GRK5: variants seen among roughly 807,000 people sequenced by gnomAD.
The protein encoded by GRK5 is g protein-coupled receptor kinase GRK5.
A neutral mutation model predicts 78.4 loss-of-function variants in GRK5; 40 were observed. The ratio of observed to expected loss-of-function variants is 0.51; its 90% CI spans 0.40 to 0.66. The LOEUF is 0.66. Among genes scored for constraint, GRK5 ranks in the 30% least tolerant of loss-of-function variants. The pLI is 0.00. For synonymous variants in GRK5, 289 were observed against 296.8 expected, an observed-to-expected ratio of 0.97 and a Z score of 0.27; for missense variants, 598 against 759.9, an observed-to-expected ratio of 0.79 and a Z score of 2.50.
intron 2 of GRK5, among the ~76,000 whole-genome samples, chr10:119,327,056 G>C (rs867089804): frequency 2.0e-5 from 3 of 152,080 alleles, no homozygotes; most frequent in Admixed American, 6.5e-5. Context: ...CTGCCCTCAG[G>C]GGGCAGCCCA....
In GRK5 at chr10:119,453,134, G is replaced by A. The variant is rs1853325159; in HGVS notation, c.1543-11G>A. 7 of 1,499,124 alleles carry A rather than the reference G, an allele frequency of 4.7e-6. No homozygotes were observed. Among genetic ancestry groups the A allele is most frequent in the Admixed American group, 1.7e-5 (1 of 59,842 alleles). 92.9% of individuals were successfully genotyped at this position (1,499,124 alleles called of 1,614,324 possible). A position where few individuals can be genotyped will look rare whatever the true frequency, so the allele number is the denominator to read the frequency against. On this transcript the variant is annotated splice_polypyrimidine_tract_variant and intron_variant, in intron 14 of 15. Transcript: ENST00000392870. ...TTGACGGCCTGTGTTTTGTTTTCAC[G>A]GCCCCTCCAGATGATAGAAACAGAA...
chr10:119,454,632 C>G (rs1853366275), intron 15 of GRK5, among the ~76,000 whole-genome samples: 1 of 152,192 alleles, frequency 6.6e-6, no homozygotes, highest in Non-Finnish European at 1.5e-5. Context: ...GGAGAGGAAA[C>G]TGGGAGATGG....
chr10:119,275,613 G>GCGCGCACACA (rs1195537574), intron 1 of GRK5, among the ~76,000 whole-genome samples: 2 of 120,678 alleles, frequency 1.7e-5, no homozygotes, highest in Non-Finnish European at 3.7e-5. Context: ...TCTCTCTCTC[G>GCGCGCACACA]CACACACACA....
chr10:119,317,554 G>A (rs1011024260), intron 1 of GRK5, among the ~76,000 whole-genome samples: 5 of 152,128 alleles, frequency 3.3e-5, no homozygotes, highest in African/African-American at 4.8e-5. Flanking sequence ...TAGGCTTTCC[G>A]GTATAGGAGG....
At position 119,379,517 on chromosome 10, in the gene GRK5, T is replaced by C. The variant is rs566097462; in HGVS notation, c.149-1298T>C. Among the ~76,000 whole-genome samples, 3 of 152,300 alleles carry C rather than the reference T, an allele frequency of 2.0e-5. No individual in the cohort carries two copies. In the South Asian group the frequency reaches 6.2e-4, roughly 32 times the overall value. ...CCTGGCGTATCTCAAGAGAAATCCT[T>C]TCTAGGGGGGATGGTGTCTTAGCTC... On this transcript the variant is annotated intron_variant, in intron 2 of 15. Transcript: ENST00000392870. The surrounding 1 kb of genome is among the most constrained non-coding windows in gnomAD (Gnocchi z 4.1).
At chr10:119,290,874 G>A (rs1435447116) in intron 1 of GRK5, among the ~76,000 whole-genome samples, 1 of 152,084 alleles carries the variant, frequency 6.6e-6, no homozygotes, top group Non-Finnish European at 1.5e-5. Flanking sequence ...GCTCCTCTAA[G>A]GAGGGGCTGC....
rs570275263 is a variant in GRK5, at chr10:119,430,617, G to C, written c.597+179G>C. On this transcript the variant is annotated intron_variant, in intron 7 of 15. Coordinates refer to ENST00000392870, the MANE Select transcript of GRK5 (RefSeq NM_005308.3). The surrounding 1 kb of genome is among the most constrained non-coding windows in gnomAD (Gnocchi z 4.5). ...CAGTGGCCTTGGGGCTATCAGGTGT[G>C]TCTATGGTGGAAAGAGGTTGTGGAG... Among the ~76,000 whole-genome samples, 54 of 152,180 alleles carry C rather than the reference G, an allele frequency of 3.5e-4. No individual in the cohort carries two copies. Among genetic ancestry groups the C allele is most frequent in the South Asian group, 8.3e-4 (4 of 4,824 alleles).
At chr10:119,293,559 T>TG (rs1850021829) in intron 1 of GRK5, among the ~76,000 whole-genome samples, 1 of 152,212 alleles carries the variant, frequency 6.6e-6, no homozygotes, top group African/African-American at 2.4e-5. Flanking sequence ...CCGTGGGCAT[T>TG]GGGAGGATAG....
At chr10:119,260,862 G>A (rs867720055) in intron 1 of GRK5, among the ~76,000 whole-genome samples, 3 of 150,250 alleles carry the variant, frequency 2.0e-5, no homozygotes, top group Admixed American at 6.6e-5. Flanking sequence ...ACCTTTCCCC[G>A]CTTTCTATTC....
rs1853448750 is a variant in GRK5, at chr10:119,459,420, T to C, written c.*4353T>C. On this transcript the variant is annotated 3_prime_UTR_variant, in exon 16 of 16. Transcript: ENST00000392870. The stretch of plus-strand genomic sequence containing the variant: ...GACACTTCCCCCCCAAAGTGGAATT[T>C]AGATGTCTTTCCCTAGTCCATCAAG... The C allele has an allele frequency of 6.6e-6, 1 of 152,224 alleles. No individual in the cohort carries two copies. The highest frequency in any genetic ancestry group is 2.1e-4 in the South Asian group (1 of 4,828). 9.4% of individuals were successfully genotyped at this position (152,224 alleles called of 1,614,324 possible). A position where few individuals can be genotyped will look rare whatever the true frequency, so the allele number is the denominator to read the frequency against.
intron 1 of GRK5, among the ~76,000 whole-genome samples, chr10:119,315,808 A>G (rs146335735): frequency 9.2e-5 from 14 of 152,030 alleles, no homozygotes; most frequent in African/African-American, 3.4e-4. Context: ...TCACTGCGAC[A>G]CCTGAGACCC....
Position 119,230,488 on chromosome 10 carries a change from G to A in GRK5, c.52+22519G>A, listed in dbSNP as rs967963871. Among the ~76,000 whole-genome samples the A allele has an allele frequency of 2.6e-5, 4 of 152,086 alleles. No homozygotes were observed. In the South Asian group the frequency reaches 6.2e-4, roughly 24 times the overall value. ...TAGGATGGCAGCAGGCAAAGAGAGAGCTTGTGCAAGGAAACTCCCCCTTAT... is the reference window on the plus strand; with the variant it reads ...TAGGATGGCAGCAGGCAAAGAGAGAACTTGTGCAAGGAAACTCCCCCTTAT... On this transcript the variant is annotated intron_variant, in intron 1 of 15. Coordinates refer to ENST00000392870, the MANE Select transcript of GRK5 (RefSeq NM_005308.3).
intron 1 of GRK5, among the ~76,000 whole-genome samples, chr10:119,247,202 G>A (rs1011662045): frequency 2.6e-5 from 4 of 152,166 alleles, no homozygotes; most frequent in African/African-American, 7.2e-5. Flanking sequence ...AATAAGATAC[G>A]TTTAATAAGA....
At chr10:119,444,553 TG>T (rs1221614879) in intron 12 of GRK5, among the ~76,000 whole-genome samples, 2 of 152,158 alleles carry the variant, frequency 1.3e-5, no homozygotes, top group Admixed American at 6.5e-5. Flanking sequence ...CATGCCCCCT[TG>T]GGGCCCTCCT....
At chr10:119,352,252 T>C (rs1851196625) in intron 2 of GRK5, among the ~76,000 whole-genome samples, 1 of 152,228 alleles carries the variant, frequency 6.6e-6, no homozygotes, top group South Asian at 2.1e-4. Context: ...AGGTGTCTCA[T>C]GATCCAAGAT....
intron 2 of GRK5, 108 bp downstream of exon 2, chr10:119,326,719 A>C (rs1850686879): frequency 1.3e-6 from 1 of 795,460 alleles, no homozygotes; most frequent in Non-Finnish European, 2.2e-6. Flanking sequence ...CTGTGCAGTG[A>C]GGCAAATGCC....
intron 1 of GRK5, among the ~76,000 whole-genome samples, chr10:119,305,349 C>T (rs1850257361): frequency 6.6e-6 from 1 of 152,196 alleles, no homozygotes; most frequent in Admixed American, 6.5e-5. Flanking sequence ...GGGGTGACAC[C>T]TCTGCTCACT....
chr10:119,251,049 T>A (rs894030883), intron 1 of GRK5, among the ~76,000 whole-genome samples: 5 of 152,190 alleles, frequency 3.3e-5, no homozygotes, highest in Non-Finnish European at 5.9e-5. Context: ...GGAAAATGTT[T>A]CTGGTTTTGT....
At chr10:119,375,275 C>T (rs764777593) in intron 2 of GRK5, among the ~76,000 whole-genome samples, 2 of 152,212 alleles carry the variant, frequency 1.3e-5, no homozygotes, top group Non-Finnish European at 2.9e-5. Flanking sequence ...CACCTCCCCA[C>T]TGTAGCTTCT....
Sources: allele counts gnomAD v4.1 joint callset (sites outside exome capture counted in the v4.1 genomes callset), GRCh38; gene constraint gnomAD v4.1.1; non-coding constraint Gnocchi (gnomAD v3.1); transcripts MANE v1.5; gene names NCBI Gene and HGNC (gene_info 2026-07-23, HGNC 2026-07-21).